Variants in PALLD observed in about 807,000 individuals in gnomAD.
PALLD encodes palladin.
A neutral mutation model predicts 123.5 loss-of-function variants in PALLD; 61 were observed. That is an observed-to-expected ratio of 0.49 (90% CI 0.40 to 0.61). PALLD has a LOEUF of 0.61. Ranked by LOEUF, PALLD falls within the 20% of genes least tolerant of loss-of-function variation. The pLI is 0.00. For synonymous variants in PALLD, 465 were observed against 496.4 expected (o/e 0.94, Z 0.84); for missense variants, 1,273 against 1,377.0 (o/e 0.92, Z 1.20).
chr4:168,839,915 C>T (rs940692402), intron 10 of PALLD, among the ~76,000 whole-genome samples: 1 of 152,150 alleles, frequency 6.6e-6, no homozygotes, highest in Non-Finnish European at 1.5e-5. Context: ...TGTCATTTGA[C>T]TAGGCTCTGC....
intron 10 of PALLD, among the ~76,000 whole-genome samples, chr4:168,864,929 T>C (rs765449584): frequency 3.9e-5 from 6 of 152,268 alleles, no homozygotes; most frequent in Non-Finnish European, 8.8e-5. Flanking sequence ...TATAACCACA[T>C]TGGAAACTTC....
chr4:168,710,012 T>C (rs914276684), intron 9 of PALLD, among the ~76,000 whole-genome samples: 1 of 152,092 alleles, frequency 6.6e-6, no homozygotes, highest in Non-Finnish European at 1.5e-5. Flanking sequence ...AAATAAGCCA[T>C]TGTCTGATCC....
At chr4:168,548,590 G>A (rs1766414414) in intron 2 of PALLD, among the ~76,000 whole-genome samples, 1 of 152,122 alleles carries the variant, frequency 6.6e-6, no homozygotes, top group South Asian at 2.1e-4. Context: ...GGTCTGGTGT[G>A]GGGCCTGGGC....
Position 168,513,264 on chromosome 4 carries a change from C to A in PALLD, c.908+852C>A, listed in dbSNP as rs149734881. ...GAAAGATAAATCAAGTCAGGAGCTCCGCAGGTCTGCCCGTTATTCCTACAC... is the reference window on the plus strand; with the variant it reads ...GAAAGATAAATCAAGTCAGGAGCTCAGCAGGTCTGCCCGTTATTCCTACAC... On this transcript the variant is annotated intron_variant, in intron 2 of 21. Transcript: ENST00000505667. Among the ~76,000 whole-genome samples the A allele has an allele frequency of 3.6e-3, 551 of 152,168 alleles. 14 individuals carry two copies. Among genetic ancestry groups the A allele is most frequent in the East Asian group, 0.018 (93 of 5,158 alleles).
intron 10 of PALLD, among the ~76,000 whole-genome samples, chr4:168,745,343 GT>G (rs1356318795): frequency 1.4e-5 from 2 of 144,566 alleles, no homozygotes; most frequent in African/African-American, 5.0e-5. Context: ...TTCATATGTC[GT>G]TAATACTTCA....
chr4:168,794,506 G>GCGCACA (rs61011663), intron 10 of PALLD, among the ~76,000 whole-genome samples: 20 of 143,958 alleles, frequency 1.4e-4, no homozygotes, highest in African/African-American at 3.9e-4. Context: ...ACACACACAC[G>GCGCACA]CACACACACA....
chr4:168,833,828 C>G (rs1020681144), intron 10 of PALLD, among the ~76,000 whole-genome samples: 8 of 150,314 alleles, frequency 5.3e-5, no homozygotes, highest in African/African-American at 2.0e-4. Context: ...ATTTGATTTT[C>G]CCCATGTCTG....
At chr4:168,586,567 C>A (rs1770843937) in intron 2 of PALLD, among the ~76,000 whole-genome samples, 1 of 152,086 alleles carries the variant, frequency 6.6e-6, no homozygotes, top group Non-Finnish European at 1.5e-5. Flanking sequence ...CTAGAACTGC[C>A]AAGCTAAAAC....
At chr4:168,601,221 A>G (rs1446227809) in intron 2 of PALLD, among the ~76,000 whole-genome samples, 1 of 152,178 alleles carries the variant, frequency 6.6e-6, no homozygotes, top group Non-Finnish European at 1.5e-5. Context: ...CATAGAGGGA[A>G]AGAGGCATCT....
intron 2 of PALLD, among the ~76,000 whole-genome samples, chr4:168,524,166 A>T (rs1763831960): frequency 6.6e-6 from 1 of 152,090 alleles, no homozygotes; most frequent in African/African-American, 2.4e-5. Flanking sequence ...CTGTCAGATG[A>T]CTCATTTTGT....
intron 10 of PALLD, among the ~76,000 whole-genome samples, chr4:168,784,337 A>AAG (rs914828387): frequency 2.6e-5 from 4 of 152,180 alleles, no homozygotes; most frequent in South Asian, 4.2e-4. Context: ...TGAAAAAAAA[A>AAG]AGAGAGAGAG....
chr4:168,712,955 G>A (rs555301898), intron 10 of PALLD, among the ~76,000 whole-genome samples: 10 of 152,146 alleles, frequency 6.6e-5, no homozygotes, highest in Admixed American at 6.5e-5. Flanking sequence ...CCTTACCTTT[G>A]TACATCACTT....
At position 168,658,284 on chromosome 4, in the gene PALLD, GGT is replaced by G. The variant is rs1491280889; in HGVS notation, c.909-9905_909-9904del. ...TTTTGTTGGTGGTGGGTTTTTATTTGGTTTTTTTTTTTTTTTTTGTGATGAGA... is the reference window on the plus strand; with the variant it reads ...TTTTGTTGGTGGTGGGTTTTTATTTGTTTTTTTTTTTTTTTTGTGATGAGA... On this transcript the variant is annotated intron_variant, in intron 2 of 21. Coordinates refer to ENST00000505667, the MANE Select transcript of PALLD (RefSeq NM_001166108.2). 4.4e-4 allele frequency among the ~76,000 whole-genome samples: 53 copies of G among 120,742 alleles called. 2 individuals are homozygous for G. Among genetic ancestry groups the G allele is most frequent in the Middle Eastern group, 4.5e-3 (1 of 224 alleles). The allele number at this position is 120,742 out of a possible 152,430, so 79.2% of individuals were successfully genotyped here. A position where few individuals can be genotyped will look rare whatever the true frequency, so the allele number is the denominator to read the frequency against.
chr4:168,711,286 T>C (rs1784811498), intron 9 of PALLD, among the ~76,000 whole-genome samples: 1 of 152,194 alleles, frequency 6.6e-6, no homozygotes, highest in Non-Finnish European at 1.5e-5. Context: ...GTGTTGTCAC[T>C]TTTTTTGCCA....
chr4:168,572,178 C>G, intron 2 of PALLD, among the ~76,000 whole-genome samples: 1 of 152,102 alleles, frequency 6.6e-6, no homozygotes, highest in East Asian at 1.9e-4. Context: ...GTGAAACCTC[C>G]CTCTGCACTT....
At chr4:168,613,493 C>T (rs562728593) in intron 2 of PALLD, among the ~76,000 whole-genome samples, 7 of 152,334 alleles carry the variant, frequency 4.6e-5, no homozygotes, top group Admixed American at 3.3e-4. Context: ...TGTCAGCACT[C>T]TCTGCAATTA....
intron 2 of PALLD, among the ~76,000 whole-genome samples, chr4:168,575,420 C>T (rs1769460331): frequency 6.6e-6 from 1 of 151,890 alleles, no homozygotes; most frequent in Non-Finnish European, 1.5e-5. Context: ...CATCAGATCT[C>T]ATGAGAACTC....
At chr4:168,733,585 C>CT (rs1163945019) in intron 10 of PALLD, among the ~76,000 whole-genome samples, 3 of 29,094 alleles carry the variant, frequency 1.0e-4, no homozygotes, top group Non-Finnish European at 1.9e-4. Flanking sequence ...CTTTCCTTCC[C>CT]TTTTTTTTGA....
chr4:168,911,955 T>A (rs959749563), intron 15 of PALLD, among the ~76,000 whole-genome samples: 2 of 152,196 alleles, frequency 1.3e-5, no homozygotes, highest in African/African-American at 4.8e-5. Context: ...TTCCTCATTC[T>A]TCTCCTGTCT....
Sources: allele counts gnomAD v4.1 joint callset (sites outside exome capture counted in the v4.1 genomes callset), GRCh38; gene constraint gnomAD v4.1.1; transcripts MANE v1.5; gene names NCBI Gene and HGNC (gene_info 2026-07-23, HGNC 2026-07-21).